GMCL1: variants seen among roughly 807,000 people sequenced by gnomAD.
GMCL1 encodes the protein germ cell-less protein-like 1.
In GMCL1, 54 loss-of-function variants were observed where a neutral mutation model predicts 75.5. The observed-to-expected ratio is 0.71, with a 90% confidence interval of 0.57 to 0.90. The LOEUF is 0.90. GMCL1 is among the 40% of genes least tolerant of loss of function. GMCL1 has a pLI of 0.00. For missense variants in GMCL1, 537 were observed against 622.7 expected (o/e 0.86, Z 1.47); for synonymous variants, 210 against 209.6 (o/e 1.00, Z -0.02).
intron 11 of GMCL1, among the ~76,000 whole-genome samples, chr2:69,867,613 T>C (rs1675857282): frequency 6.6e-6 from 1 of 152,216 alleles, no homozygotes; most frequent in South Asian, 2.1e-4. Context: ...CATCGTAAAA[T>C]TGGTCCCTTG....
At position 69,879,200 on chromosome 2, in the gene GMCL1, A is replaced by G. The variant is rs554098165; in HGVS notation, c.*196A>G. 21 of 434,782 alleles carry G rather than the reference A, an allele frequency of 4.8e-5. No homozygotes were observed. In the South Asian group the frequency reaches 6.8e-4, roughly 14 times the overall value. The allele number at this position is 434,782 out of a possible 1,614,324, so 26.9% of individuals were successfully genotyped here. Reference sequence around the variant, plus strand: ...TTATTCTTATCCTCATTGCATTTCTATGCATATGCGTAAGAACATTTTAAA... The same window carrying G: ...TTATTCTTATCCTCATTGCATTTCTGTGCATATGCGTAAGAACATTTTAAA... On this transcript the variant is annotated 3_prime_UTR_variant, in exon 14 of 14. Coordinates refer to ENST00000282570, the MANE Select transcript of GMCL1 (RefSeq NM_178439.5).
At chr2:69,878,486 T>A (rs1257853091) in intron 13 of GMCL1, among the ~76,000 whole-genome samples, 1 of 152,206 alleles carries the variant, frequency 6.6e-6, no homozygotes, top group East Asian at 1.9e-4. Flanking sequence ...ATCTCATTTT[T>A]AAAAATAATT....
Position 69,830,058 on chromosome 2 carries a change from A to G in GMCL1, c.166A>G (p.Ser56Gly), listed in dbSNP as rs1181212444. The change falls in exon 1 of 14, where the codon AGC (serine) becomes GGC (glycine). Residue 56 changes from serine (S) to glycine (G), a missense_variant. Ser to Gly is a moderately conservative substitution (Grantham distance 56). This residue lies in a region of GMCL1 where 144 missense variants were observed against 127.2 expected (regional missense o/e 1.13). Coordinates refer to ENST00000282570, the MANE Select transcript of GMCL1 (RefSeq NM_178439.5). ...GGGCAGCCACAAGCGCAAGCGGAGC[A>G]GCGGGTCCTTCTGCTACTGTCACCC... ...CAGSHKRKRS[S>G]GSFCYCHPDS... 20 of 1,569,188 alleles carry G rather than the reference A, an allele frequency of 1.3e-5. No individual in the cohort carries two copies. Among genetic ancestry groups the G allele is most frequent in the Non-Finnish European group, 2.6e-6 (3 of 1,156,606 alleles).
At chr2:69,860,366 A>G (rs1211979532) in intron 9 of GMCL1, among the ~76,000 whole-genome samples, 1 of 152,100 alleles carries the variant, frequency 6.6e-6, no homozygotes, top group South Asian at 2.1e-4. Flanking sequence ...TGTGGGAAAA[A>G]TATTTATTAT....
In GMCL1 at chr2:69,865,423, G is replaced by A. The variant is rs561347746; in HGVS notation, c.1218+448G>A. Among the ~76,000 whole-genome samples, 4 of 152,198 alleles carry A rather than the reference G, an allele frequency of 2.6e-5. No individual in the cohort carries two copies. The South Asian group carries it at 8.3e-4, about 32-fold the overall frequency. On this transcript the variant is annotated intron_variant, in intron 11 of 13. Coordinates refer to ENST00000282570, the MANE Select transcript of GMCL1 (RefSeq NM_178439.5). ...AGCACTTTGGAAGGCTGAGATGGGC[G>A]GATCACTTGAGGCCAGGAGTTCAAG...
At chr2:69,847,129 G>GC (rs1050073651) in intron 6 of GMCL1, among the ~76,000 whole-genome samples, 6 of 151,862 alleles carry the variant, frequency 4.0e-5, no homozygotes, top group Admixed American at 3.3e-4. Context: ...ACTATGCCTG[G>GC]CCTTTTTTTA....
At chr2:69,869,439 A>C (rs1675921096) in intron 11 of GMCL1, 1 of 213,050 alleles carries the variant, frequency 4.7e-6, no homozygotes, top group East Asian at 1.1e-4. Flanking sequence ...AAAAAAAAAA[A>C]AGCCTTATTA....
intron 12 of GMCL1, among the ~76,000 whole-genome samples, chr2:69,870,831 A>G (rs1000396764): frequency 3.3e-5 from 5 of 152,236 alleles, no homozygotes; most frequent in African/African-American, 1.2e-4. Flanking sequence ...ACCTATTAGG[A>G]TAGCTATTAG....
At position 69,846,119 on chromosome 2, in the gene GMCL1, T is replaced by G. The variant is rs140580645; in HGVS notation, c.759-1424T>G. Among the ~76,000 whole-genome samples the G allele has an allele frequency of 4.5e-3, 686 of 152,192 alleles. 6 individuals are homozygous for G. Among genetic ancestry groups the G allele is most frequent in the African/African-American group, 0.014 (592 of 41,482 alleles). The stretch of plus-strand genomic sequence containing the variant: ...AGACCACCTCCTAGATTATGGGGTT[T>G]TTTTCCTTTCTTTTGCCTTTACGAG... On this transcript the variant is annotated intron_variant, in intron 6 of 13. Transcript: ENST00000282570.
chr2:69,830,198 G>A (rs1217278175), intron 1 of GMCL1, 46 bp downstream of exon 1: 1 of 1,524,144 alleles, frequency 6.6e-7, no homozygotes, highest in Non-Finnish European at 8.8e-7. Context: ...CGCACCTGTT[G>A]GGCCTGGGGC....
chr2:69,877,532 T>C (rs964416334), intron 13 of GMCL1, among the ~76,000 whole-genome samples: 3 of 152,240 alleles, frequency 2.0e-5, no homozygotes, highest in African/African-American at 7.2e-5. Context: ...ATTATTGATA[T>C]AAATTTTGAC....
chr2:69,854,864 C>A lies in GMCL1; in HGVS notation c.976C>A (p.Pro326Thr), dbSNP rs1675425589. ...CTTTCTTGAAACTGAACAAGGAAAA[C>A]CATTTGTGTCAGTATTCAGACATTT... ...MAFLETEQGK[P>T]FVSVFRHLRL... Residue 326 changes from proline to threonine, a missense_variant, in exon 9 of 14, where the codon CCA becomes ACA. Transcript: ENST00000282570. 1 of 1,610,060 alleles carries A rather than the reference C, an allele frequency of 6.2e-7. No individual in the cohort carries two copies. The highest frequency in any genetic ancestry group is 2.2e-5 in the East Asian group (1 of 44,686).
chr2:69,829,847 A>G lies in GMCL1; in HGVS notation c.-46A>G, dbSNP rs1021587768. 1 of 1,496,662 alleles carries G rather than the reference A, an allele frequency of 6.7e-7. No homozygotes were observed. The highest frequency in any genetic ancestry group is 8.9e-7 in the Non-Finnish European group (1 of 1,129,474). The allele number at this position is 1,496,662 out of a possible 1,614,324, so 92.7% of individuals were successfully genotyped here. ...GCGGCGGCGGCCGAGCCATGGCGGG[A>G]GACCCCCTTCTCTGGGCTCCCTGAA... On this transcript the variant is annotated 5_prime_UTR_variant, in exon 1 of 14. Transcript: ENST00000282570.
intron 4 of GMCL1, 39 bp from the exon 5 acceptor site, chr2:69,843,110 C>T (rs771942543): frequency 1.2e-5 from 13 of 1,079,576 alleles, no homozygotes; most frequent in East Asian, 7.6e-5. Context: ...ATTTTTCCCA[C>T]GTGAAATGGG....
At chr2:69,869,458 A>G in intron 11 of GMCL1, 1 of 224,822 alleles carries the variant, frequency 4.4e-6, no homozygotes, top group Non-Finnish European at 8.6e-6. Flanking sequence ...TATTTATGGT[A>G]GAATTGCAGT....
Position 69,840,989 on chromosome 2 carries a change from A to C in GMCL1, c.529A>C (p.Lys177Gln). 6.2e-7 allele frequency: 1 copy of C among 1,614,086 alleles called. No homozygotes were observed. The highest frequency in any genetic ancestry group is 1.1e-5 in the South Asian group (1 of 91,068). Residue 177 changes from lysine (K) to glutamine (Q), a missense_variant, in exon 4 of 14, where the codon AAG (lysine) becomes CAG (glutamine). By Grantham distance (53) the Lys-to-Gln change is moderately conservative. Around this residue, in one of 3 missense-constraint regions of GMCL1, gnomAD observed 345 missense variants for 410.5 expected, o/e 0.84. Coordinates refer to ENST00000282570, the MANE Select transcript of GMCL1 (RefSeq NM_178439.5). ...ACTGTATCGAGATGATGTCTTGATA[A>C]AGCCCAGTCGAGTTGTTGCCATTTT... is the stretch of plus-strand genomic sequence containing the variant. Reference protein sequence around the residue: ...GSLYRDDVLIKPSRVVAILAA... With the variant: ...GSLYRDDVLIQPSRVVAILAA...
At chr2:69,852,712 G>T (rs1254147443) in intron 8 of GMCL1, among the ~76,000 whole-genome samples, 3 of 151,976 alleles carry the variant, frequency 2.0e-5, no homozygotes, top group South Asian at 2.1e-4. Context: ...CTAATATTTT[G>T]TATTTTTAGT....
intron 3 of GMCL1, 143 bp from the exon 4 acceptor site, chr2:69,840,799 A>C: frequency 2.1e-6 from 1 of 481,966 alleles, no homozygotes; most frequent in East Asian, 3.2e-5. Flanking sequence ...CGTTTTAATT[A>C]GAGATACTTC....
At chr2:69,832,119 G>A (rs1469429181) in intron 1 of GMCL1, among the ~76,000 whole-genome samples, 7 of 152,102 alleles carry the variant, frequency 4.6e-5, no homozygotes, top group South Asian at 2.1e-4. Context: ...TACTCGGGAC[G>A]CTGAGGCAGA....
Sources: gnomAD v4.1 joint callset for allele counts (sites outside exome capture counted in the v4.1 genomes callset) on GRCh38, gnomAD v4.1.1 for gene constraint, gnomAD v4.1.1 regional missense constraint, MANE v1.5 for transcripts, NCBI Gene and HGNC (gene_info 2026-07-23, HGNC 2026-07-21) for gene names.